The following ZNF644 variants were observed in gnomAD, a reference collection of about 807,000 sequenced individuals.
ZNF644 encodes the protein zinc finger motif enhancer binding protein 2.
ZNF644 carries 20 observed loss-of-function variants against 108.0 expected under a neutral mutation model. The observed-to-expected ratio is 0.19, with a 90% confidence interval of 0.13 to 0.27. The LOEUF (loss-of-function observed/expected upper bound fraction) is 0.27, where lower values mean the gene tolerates loss of function less well. Ranked by LOEUF, ZNF644 falls within the 10% of genes least tolerant of loss-of-function variation. The probability of loss-of-function intolerance (pLI) is 1.00; values close to 1 mark genes in which losing one functional copy is unlikely to be tolerated. For missense variants in ZNF644, 1,338 were observed against 1,548.9 expected (o/e 0.86, Z 2.29); for synonymous variants, 542 against 539.1 (o/e 1.01, Z -0.08).
chr1:90,970,735 A>G (rs554833753), intron 2 of ZNF644, among the ~76,000 whole-genome samples: 13 of 152,300 alleles, frequency 8.5e-5, no homozygotes, highest in African/African-American at 3.1e-4. Flanking sequence ...ACCAGGGTAT[A>G]TAAGTGATTA....
At chr1:90,964,271 A>G (rs560621947) in intron 2 of ZNF644, among the ~76,000 whole-genome samples, 2 of 152,252 alleles carry the variant, frequency 1.3e-5, no homozygotes, top group Non-Finnish European at 2.9e-5. Context: ...AATAAAATAC[A>G]TATCTTGGAA....
intron 1 of ZNF644, among the ~76,000 whole-genome samples, chr1:90,984,412 C>A (rs1372349335): frequency 2.0e-5 from 3 of 151,458 alleles, no homozygotes; most frequent in Non-Finnish European, 4.4e-5. Flanking sequence ...ACTTATGAGG[C>A]CTTTACCCAA....
At chr1:91,001,103 G>T (rs1207586525) in intron 1 of ZNF644, among the ~76,000 whole-genome samples, 1 of 152,158 alleles carries the variant, frequency 6.6e-6, no homozygotes, top group East Asian at 1.9e-4. Flanking sequence ...TTCTACCAGA[G>T]GTACAAGGAG....
intron 2 of ZNF644, among the ~76,000 whole-genome samples, chr1:90,953,012 G>GGAA (rs750982557): frequency 8.0e-6 from 1 of 124,726 alleles, no homozygotes; most frequent in Non-Finnish European, 1.7e-5. Context: ...ATTAGACTGA[G>GGAA]GAAAAAAAAA....
intron 1 of ZNF644, among the ~76,000 whole-genome samples, chr1:90,999,547 T>G (rs555718755): frequency 6.6e-6 from 1 of 152,016 alleles, no homozygotes; most frequent in African/African-American, 2.4e-5. Context: ...GCACTAAACA[T>G]GGAAAGGAAC....
intron 2 of ZNF644, among the ~76,000 whole-genome samples, chr1:90,979,754 A>G (rs141069849): frequency 6.6e-6 from 1 of 152,318 alleles, no homozygotes; most frequent in East Asian, 1.9e-4. Context: ...CTTTAAAGAA[A>G]TAACTAGTAC....
At chr1:90,967,259 T>A (rs765078304) in intron 2 of ZNF644, among the ~76,000 whole-genome samples, 4 of 152,140 alleles carry the variant, frequency 2.6e-5, no homozygotes, top group Non-Finnish European at 5.9e-5. Flanking sequence ...CAGCCCTCCA[T>A]CGCACAAATC....
At chr1:91,013,927 T>G (rs1437895616) in intron 1 of ZNF644, among the ~76,000 whole-genome samples, 2 of 152,136 alleles carry the variant, frequency 1.3e-5, no homozygotes, top group East Asian at 3.8e-4. Context: ...TTCACCTATT[T>G]ATTTTATTTT....
intron 2 of ZNF644, among the ~76,000 whole-genome samples, chr1:90,967,453 G>C (rs34393869): frequency 3.4e-4 from 51 of 152,206 alleles, no homozygotes; most frequent in Non-Finnish European, 6.0e-4. Flanking sequence ...ATGGTCCTAA[G>C]TTCCAAAACA....
chr1:91,009,152 A>G (rs1168721556), intron 1 of ZNF644, among the ~76,000 whole-genome samples: 2 of 152,148 alleles, frequency 1.3e-5, no homozygotes, highest in African/African-American at 4.8e-5. Flanking sequence ...AAGGGGAAAG[A>G]CTTAGTGCCA....
At chr1:90,921,289 T>C (rs1435088935) in intron 4 of ZNF644, among the ~76,000 whole-genome samples, 1 of 152,116 alleles carries the variant, frequency 6.6e-6, no homozygotes, top group East Asian at 1.9e-4. Flanking sequence ...TCAGTATCTG[T>C]GATAAACAGC....
intron 2 of ZNF644, among the ~76,000 whole-genome samples, chr1:90,953,451 G>GT (rs1168752865): frequency 1.3e-5 from 2 of 151,778 alleles, no homozygotes; most frequent in Non-Finnish European, 2.9e-5. Context: ...TAGGTGATGG[G>GT]TTGACAGGTG....
At chr1:90,986,392 A>C (rs114989078) in intron 1 of ZNF644, among the ~76,000 whole-genome samples, 207 of 152,224 alleles carry the variant, frequency 1.4e-3, no homozygotes, top group Non-Finnish European at 1.6e-3. Flanking sequence ...AGAAACGACA[A>C]CTAAATGTAA....
intron 1 of ZNF644, among the ~76,000 whole-genome samples, chr1:91,002,379 G>T (rs1043128327): frequency 2.0e-5 from 3 of 151,962 alleles, no homozygotes; most frequent in African/African-American, 4.8e-5. Context: ...ATACCACACA[G>T]CTACAACCAT....
intron 2 of ZNF644, among the ~76,000 whole-genome samples, chr1:90,948,367 C>T (rs572271606): frequency 6.6e-6 from 1 of 152,282 alleles, no homozygotes; most frequent in South Asian, 2.1e-4. Flanking sequence ...AAGTTAGTGG[C>T]ATGACTGCAA....
intron 1 of ZNF644, among the ~76,000 whole-genome samples, chr1:91,020,061 T>C (rs1387558738): frequency 6.6e-6 from 1 of 152,152 alleles, no homozygotes; most frequent in Non-Finnish European, 1.5e-5. Context: ...TGCCACTAAC[T>C]TAATCATCTC....
At chr1:90,982,473 A>C (rs1656650687) in intron 1 of ZNF644, 103 bp from the exon 2 acceptor site, 1 of 766,810 alleles carries the variant, frequency 1.3e-6, no homozygotes, top group East Asian at 2.6e-5. Context: ...ACACAAACCA[A>C]ATTATATTTC....
chr1:90,983,171 T>C (rs1486112460), intron 1 of ZNF644, among the ~76,000 whole-genome samples: 1 of 152,098 alleles, frequency 6.6e-6, no homozygotes, highest in East Asian at 1.9e-4. Flanking sequence ...CTACCTCTGT[T>C]CTCAAGCTAG....
At chr1:90,927,994 C>T (rs535707628) in intron 4 of ZNF644, among the ~76,000 whole-genome samples, 36 of 151,954 alleles carry the variant, frequency 2.4e-4, no homozygotes, top group African/African-American at 8.4e-4. Context: ...CAGGCGCCCA[C>T]CACCACGCCT....
Sources: gnomAD v4.1 joint callset for allele counts (sites outside exome capture counted in the v4.1 genomes callset) on GRCh38, gnomAD v4.1.1 for gene constraint, MANE v1.5 for transcripts, NCBI Gene and HGNC (gene_info 2026-07-23, HGNC 2026-07-21) for gene names.